NHS: variants seen among roughly 807,000 people sequenced by gnomAD.
NHS encodes actin remodeling regulator NHS.
A neutral mutation model predicts 72.5 loss-of-function variants in NHS; 5 were observed. The observed-to-expected ratio is 0.07, with a 90% CI of 0.04 to 0.14. NHS has a LOEUF of 0.14. Among genes scored for constraint, NHS ranks in the 10% least tolerant of loss-of-function variants. NHS has a pLI of 1.00. For missense variants in NHS, 1,072 were observed against 1,355.7 expected (o/e 0.79, Z 3.29); for synonymous variants, 464 against 547.7 (o/e 0.85, Z 2.13).
intron 3 of NHS, among the ~76,000 whole-genome samples, chrX:17,709,807 C>T (rs769003628): frequency 3.6e-5 from 4 of 110,751 alleles, no homozygotes; most frequent in East Asian, 2.9e-4. Flanking sequence ...CCCAGACCTC[C>T]GAGTATGGGG....
At chrX:17,389,104 A>G (rs890837427) in intron 1 of NHS, among the ~76,000 whole-genome samples, 14 of 112,121 alleles carry the variant, frequency 1.2e-4, no homozygotes, top group African/African-American at 4.6e-4. Flanking sequence ...GAAAAATTTA[A>G]AAAGTGTCCT....
At position 17,376,082 on chromosome X, in the gene NHS, G is replaced by A; in HGVS notation, c.325G>A (p.Ala109Thr). ...IPEAAPAAGEASSAAAAAAVL... is the reference protein window; with the variant it reads ...IPEAAPAAGETSSAAAAAAVL... ...GGAGGCGGCGCCCGCAGCCGGCGAG[G>A]CGTCCTCGGCGGCGGCGGCGGCGGC... is the stretch of plus-strand genomic sequence containing the variant. The change falls in exon 1 of 9, where the codon GCG becomes ACG. Residue 109 changes from alanine (A) to threonine (T), a missense_variant. Ala to Thr is a moderately conservative substitution (Grantham distance 58). Transcript: ENST00000676302. 2 of 1,070,211 alleles carry A rather than the reference G, an allele frequency of 1.9e-6. 1 individual carries two copies. The highest frequency in any genetic ancestry group is 4.9e-5 in the South Asian group (2 of 40,571). 88.2% of individuals were successfully genotyped at this position (1,070,211 alleles called of 1,213,427 possible). A position where few individuals can be genotyped will look rare whatever the true frequency, so the allele number is the denominator to read the frequency against.
chrX:17,719,836 C>CT (rs1431932392), intron 4 of NHS, among the ~76,000 whole-genome samples: 1 of 111,858 alleles, frequency 8.9e-6, no homozygotes, highest in Non-Finnish European at 1.9e-5. Context: ...AGTCAGGTCA[C>CT]TATCCTGTCG....
At chrX:17,696,749 GTCCCCATC>G (rs902514010) in intron 3 of NHS, among the ~76,000 whole-genome samples, 2 of 111,277 alleles carry the variant, frequency 1.8e-5, no homozygotes, top group Non-Finnish European at 3.8e-5. Flanking sequence ...GATACCCTAG[GTCCCCATC>G]TCCCATTATT....
intron 3 of NHS, among the ~76,000 whole-genome samples, chrX:17,709,048 T>C (rs1480375841): frequency 2.7e-5 from 3 of 111,322 alleles, no homozygotes; most frequent in Admixed American, 9.6e-5. Flanking sequence ...GAGCGTTTGA[T>C]GTTAGTGTCA....
chrX:17,376,063 G>A lies in NHS; in HGVS notation c.306G>A (p.Ala102=). ...AGAGCACGGCGGGGATCCCGGAGGC[G>A]GCGCCCGCAGCCGGCGAGGCGTCCT... is the stretch of plus-strand genomic sequence containing the variant. ...GEESTAGIPE[A]APAAGEASSA... is the part of the protein sequence containing the mutation. The change falls in exon 1 of 9, where the codon GCG becomes GCA. Residue 102 remains alanine (A), a synonymous_variant. Transcript: ENST00000676302. 9.5e-7 allele frequency: 1 copy of A among 1,053,686 alleles called. No individual in the cohort carries two copies. The highest frequency in any genetic ancestry group is 2.6e-5 in the South Asian group (1 of 38,301). The allele number at this position is 1,053,686 out of a possible 1,213,427, so 86.8% of individuals were successfully genotyped here.
At chrX:17,663,328 C>T (rs1020419143) in intron 1 of NHS, among the ~76,000 whole-genome samples, 3 of 111,613 alleles carry the variant, frequency 2.7e-5, no homozygotes, top group African/African-American at 9.8e-5. Context: ...GTAACAACCT[C>T]CCAAAACAAG....
At chrX:17,571,675 G>T (rs770243508) in intron 1 of NHS, among the ~76,000 whole-genome samples, 1 of 111,568 alleles carries the variant, frequency 9.0e-6, no homozygotes, top group Non-Finnish European at 1.9e-5. Context: ...CTTCAGTTCT[G>T]CTCTGATCTT....
intron 1 of NHS, among the ~76,000 whole-genome samples, chrX:17,620,100 T>A (rs1188244355): frequency 1.8e-5 from 2 of 111,992 alleles, no homozygotes; most frequent in Non-Finnish European, 3.8e-5. Context: ...AGCCTTAGGA[T>A]CATTCATGAG....
rs7877949 is a variant in NHS, at chrX:17,617,209, G to A, written c.566-70533G>A. ...GGCTAGGCTGTGAATTGGGGTCTGCGTCTATACTGCAGCTGCCCCTACGCA... is the reference window on the plus strand; with the variant it reads ...GGCTAGGCTGTGAATTGGGGTCTGCATCTATACTGCAGCTGCCCCTACGCA... On this transcript the variant is annotated intron_variant, in intron 1 of 8. Coordinates refer to ENST00000676302, the MANE Select transcript of NHS (RefSeq NM_001291867.2). Among the ~76,000 whole-genome samples the A allele has an allele frequency of 8.3e-3, 924 of 111,838 alleles. 6 individuals carry two copies. The highest frequency in any genetic ancestry group is 0.014 in the Admixed American group (148 of 10,547).
intron 1 of NHS, among the ~76,000 whole-genome samples, chrX:17,529,411 A>T (rs1463405596): frequency 8.9e-6 from 1 of 112,031 alleles, no homozygotes; most frequent in Admixed American, 9.5e-5. Context: ...CAAAAGAGAA[A>T]TGCGAAGGGG....
intron 1 of NHS, among the ~76,000 whole-genome samples, chrX:17,474,620 A>G (rs750685870): frequency 8.0e-5 from 9 of 111,832 alleles, no homozygotes; most frequent in Non-Finnish European, 1.5e-4. Context: ...AGTTGTCCCA[A>G]ATTGAGGCAA....
At chrX:17,460,006 G>C (rs2064840672) in intron 1 of NHS, among the ~76,000 whole-genome samples, 1 of 112,028 alleles carries the variant, frequency 8.9e-6, no homozygotes, top group Non-Finnish European at 1.9e-5. Flanking sequence ...GCTGGGTTTA[G>C]CAGCATCCTG....
intron 1 of NHS, among the ~76,000 whole-genome samples, chrX:17,408,463 AT>A (rs1429582457): frequency 9.0e-6 from 1 of 111,604 alleles, no homozygotes; most frequent in East Asian, 2.8e-4. Flanking sequence ...TTTCCACTAG[AT>A]TATGAGTTCT....
rs768460374 is a variant in NHS, at chrX:17,727,963, A to T, written c.3857A>T (p.Asp1286Val). Residue 1286 changes from aspartate to valine, a missense_variant, in exon 7 of 9, where the codon GAT becomes GTT. Coordinates refer to ENST00000676302, the MANE Select transcript of NHS (RefSeq NM_001291867.2). The part of the protein sequence containing the change: ...RVSAARPNDL[D>V]GKIIQYGPGP... ...TCTGCTGCCCGCCCAAATGATTTGGATGGTAAAATAATACAATATGGACCT... is the reference window on the plus strand; with the variant it reads ...TCTGCTGCCCGCCCAAATGATTTGGTTGGTAAAATAATACAATATGGACCT... The T allele has an allele frequency of 1.7e-6, 2 of 1,211,620 alleles. No homozygotes were observed. Among genetic ancestry groups the T allele is most frequent in the Non-Finnish European group, 1.1e-6 (1 of 895,444 alleles).
intron 1 of NHS, among the ~76,000 whole-genome samples, chrX:17,437,245 C>T (rs953252769): frequency 2.7e-5 from 3 of 111,589 alleles, no homozygotes; most frequent in African/African-American, 9.8e-5. Flanking sequence ...GTTGCCCTCC[C>T]CTCCTGGTGC....
intron 1 of NHS, among the ~76,000 whole-genome samples, chrX:17,593,309 G>A (rs745942720): frequency 9.0e-6 from 1 of 111,074 alleles, no homozygotes; most frequent in South Asian, 4.0e-4. Context: ...AACCCTATTT[G>A]GCCTTGATAA....
intron 5 of NHS, among the ~76,000 whole-genome samples, chrX:17,723,413 A>G (rs2066417318): frequency 9.0e-6 from 1 of 111,700 alleles, no homozygotes; most frequent in Non-Finnish European, 1.9e-5. Context: ...TCTAGTTGTG[A>G]TGGGACTGCA....
At chrX:17,509,415 C>T (rs1192746830) in intron 1 of NHS, among the ~76,000 whole-genome samples, 2 of 110,641 alleles carry the variant, frequency 1.8e-5, no homozygotes, top group Non-Finnish European at 3.8e-5. Flanking sequence ...TTAGTAAAGA[C>T]GAGGTTTCTC....
Sources: allele counts gnomAD v4.1 joint callset (sites outside exome capture counted in the v4.1 genomes callset), GRCh38; gene constraint gnomAD v4.1.1; transcripts MANE v1.5; gene names NCBI Gene and HGNC (gene_info 2026-07-23, HGNC 2026-07-21).